Variants in PTK2 observed in about 807,000 individuals in gnomAD.
PTK2 encodes the protein focal adhesion kinase 1.
A neutral mutation model predicts 150.1 loss-of-function variants in PTK2; 45 were observed. The ratio of observed to expected loss-of-function variants is 0.30; its 90% CI spans 0.24 to 0.38. The LOEUF (loss-of-function observed/expected upper bound fraction) is 0.38. Ranked by LOEUF, PTK2 falls within the 10% of genes least tolerant of loss-of-function variation. The pLI is 1.00. For synonymous variants in PTK2, 432 were observed against 449.2 expected, an observed-to-expected ratio of 0.96 and a Z score of 0.48; for missense variants, 919 against 1,307.3, an observed-to-expected ratio of 0.70 and a Z score of 4.58.
intron 27 of PTK2, 39 bp from the exon 31 acceptor site, chr8:140,675,538 T>C (rs1381503481): frequency 6.6e-7 from 1 of 1,512,680 alleles, no homozygotes. Context: ...CACTGGTATA[T>C]ACACTTGGGC....
chr8:140,913,428 T>C (rs1411011943), intron 2 of PTK2, among the ~76,000 whole-genome samples: 1 of 151,930 alleles, frequency 6.6e-6, no homozygotes, highest in Non-Finnish European at 1.5e-5. Context: ...CCTGAGTAGC[T>C]GGGTCTACAA....
At chr8:140,913,759 G>C (rs1416928649) in intron 2 of PTK2, among the ~76,000 whole-genome samples, 1 of 152,116 alleles carries the variant, frequency 6.6e-6, no homozygotes, top group African/African-American at 2.4e-5. Context: ...TTGTTCATAA[G>C]TCAATTCTCC....
chr8:140,956,873 C>T (rs2100181382), intron 1 of PTK2, among the ~76,000 whole-genome samples: 1 of 152,042 alleles, frequency 6.6e-6, no homozygotes, highest in African/African-American at 2.4e-5. Flanking sequence ...GCCAGCCTGA[C>T]CAACATGGAG....
chr8:140,795,858 C>A (rs1434045983), intron 12 of PTK2, among the ~76,000 whole-genome samples: 1 of 152,188 alleles, frequency 6.6e-6, no homozygotes, highest in South Asian at 2.1e-4. Context: ...ACCACACATG[C>A]CTTGAAATGT....
chr8:140,907,646 GC>G (rs1171851807), intron 2 of PTK2, among the ~76,000 whole-genome samples: 12 of 152,196 alleles, frequency 7.9e-5, no homozygotes, highest in African/African-American at 2.9e-4. Context: ...AACAGCATAT[GC>G]CCACTTTACC....
intron 1 of PTK2, among the ~76,000 whole-genome samples, chr8:140,995,200 G>C (rs955762735): frequency 6.6e-6 from 1 of 151,582 alleles, no homozygotes; most frequent in African/African-American, 2.4e-5. Flanking sequence ...CCAACATGAT[G>C]ATGAAACCCT....
chr8:140,872,120 C>T (rs1393826698), intron 4 of PTK2, among the ~76,000 whole-genome samples: 1 of 152,162 alleles, frequency 6.6e-6, no homozygotes, highest in Non-Finnish European at 1.5e-5. Flanking sequence ...TCTCAGCTCA[C>T]TGCAACCTCC....
At chr8:140,970,183 G>C (rs565786197) in intron 1 of PTK2, among the ~76,000 whole-genome samples, 1 of 152,366 alleles carries the variant, frequency 6.6e-6, no homozygotes, top group East Asian at 1.9e-4. Flanking sequence ...TACACACTGT[G>C]AACAGCTGCT....
At chr8:140,847,977 G>A (rs2100126681) in intron 5 of PTK2, among the ~76,000 whole-genome samples, 1 of 152,100 alleles carries the variant, frequency 6.6e-6, no homozygotes, top group Non-Finnish European at 1.5e-5. Context: ...TTATCCCTCT[G>A]TCTGAATTGC....
intron 27 of PTK2, among the ~76,000 whole-genome samples, chr8:140,685,349 C>G (rs2100019226): frequency 6.6e-6 from 1 of 152,138 alleles, no homozygotes. Flanking sequence ...GATTTCATGA[C>G]GAGGACACCA....
chr8:140,963,199 A>G (rs1410253213), intron 1 of PTK2, among the ~76,000 whole-genome samples: 1 of 152,120 alleles, frequency 6.6e-6, no homozygotes, highest in Non-Finnish European at 1.5e-5. Flanking sequence ...TTATAATAGC[A>G]TCTCCTCTTA....
chr8:140,878,465 C>T (rs1435505133), intron 4 of PTK2, among the ~76,000 whole-genome samples: 6 of 152,002 alleles, frequency 3.9e-5, no homozygotes, highest in Admixed American at 1.3e-4. Context: ...CTGGGCGTGG[C>T]GGTCTGTGCC....
At chr8:140,992,419 G>A (rs10110937) in intron 1 of PTK2, among the ~76,000 whole-genome samples, 63,424 of 151,832 alleles carry the variant, frequency 0.42, 15,166 homozygotes, top group Non-Finnish European at 0.55. Context: ...GCAGTGAGCT[G>A]AGAAAGTGCC....
chr8:140,815,751 TATC>T (rs1366164447), intron 10 of PTK2, among the ~76,000 whole-genome samples: 38 of 152,204 alleles, frequency 2.5e-4, no homozygotes, highest in African/African-American at 8.2e-4. Flanking sequence ...GGCTCAATAT[TATC>T]ATAACTATTA....
At chr8:140,940,008 G>A (rs1446464181) in intron 1 of PTK2, among the ~76,000 whole-genome samples, 2 of 152,106 alleles carry the variant, frequency 1.3e-5, no homozygotes, top group Non-Finnish European at 2.9e-5. Flanking sequence ...CCTGGCCCAC[G>A]GAAGGCACTC....
In PTK2 at chr8:140,743,255, A is replaced by T; in HGVS notation, c.1710T>A (p.Tyr570Ter). The T allele has an allele frequency of 6.2e-7, 1 of 1,609,468 alleles. No homozygotes were observed. The highest frequency in any genetic ancestry group is 8.5e-7 in the Non-Finnish European group (1 of 1,175,922). Reference sequence around the variant, plus strand: ...CTTTGTAGTAAGTACTATCTTCCATATATCGGGATAATCCAAAGTCTCCTA... The same window carrying T: ...CTTTGTAGTAAGTACTATCTTCCATTTATCGGGATAATCCAAAGTCTCCTA... Residue 570 changes from tyrosine to a stop codon, truncating the protein, a stop_gained, in exon 20 of 32, where the codon TAT becomes TAA. Coordinates refer to ENST00000522684, the Ensembl canonical transcript of PTK2. LOFTEE classifies it high-confidence loss of function.
chr8:140,763,489 A>T (rs1200109385), intron 15 of PTK2, among the ~76,000 whole-genome samples: 1 of 152,170 alleles, frequency 6.6e-6, no homozygotes, highest in Non-Finnish European at 1.5e-5. Flanking sequence ...ACATTAAAAA[A>T]ATAAGAAAAT....
intron 1 of PTK2, among the ~76,000 whole-genome samples, chr8:140,927,155 T>A (rs1466644300): frequency 1.3e-5 from 2 of 152,212 alleles, no homozygotes; most frequent in Non-Finnish European, 2.9e-5. Context: ...GAGTTTTTTT[T>A]ATTGCTTATA....
chr8:140,919,658 A>G (rs1350393532), intron 2 of PTK2, among the ~76,000 whole-genome samples: 1 of 152,194 alleles, frequency 6.6e-6, no homozygotes, highest in Non-Finnish European at 1.5e-5. Flanking sequence ...TCTGAACACT[A>G]TTAGTCACAC....
Sources: gnomAD v4.1 joint callset for allele counts (sites outside exome capture counted in the v4.1 genomes callset) on GRCh38, gnomAD v4.1.1 for gene constraint, MANE v1.5 for transcripts, NCBI Gene and HGNC (gene_info 2026-07-23, HGNC 2026-07-21) for gene names.